Variants in COL10A1 observed in about 807,000 individuals in gnomAD.
COL10A1 encodes collagen type X alpha 1 chain.
In COL10A1, 10 loss-of-function variants were observed where a neutral mutation model predicts 18.2. That is an observed-to-expected ratio of 0.55 (90% CI 0.34 to 0.93). The LOEUF (loss-of-function observed/expected upper bound fraction) is 0.93, where lower values mean the gene tolerates loss of function less well. COL10A1 is among the 40% of genes least tolerant of loss of function. The pLI, the probability that COL10A1 is intolerant of heterozygous loss-of-function variation, is 0.02. For missense variants in COL10A1, 897 were observed against 853.5 expected (o/e 1.05, Z -0.64); for synonymous variants, 330 against 316.6 (o/e 1.04, Z -0.45).
the COL10A1 span, among the ~76,000 whole-genome samples, chr6:116,164,662 G>A: frequency 1.3e-5 from 2 of 152,128 alleles, no homozygotes; most frequent in Non-Finnish European, 2.9e-5. Flanking sequence ...TTATTTTATA[G>A]GATGTGTGAA....
Position 116,120,624 on chromosome 6 carries a change from T to C in COL10A1, c.1492A>G (p.Arg498Gly), listed in dbSNP as rs1429475592. The C allele has an allele frequency of 6.4e-7, 1 of 1,559,184 alleles. No individual in the cohort carries two copies. The highest frequency in any genetic ancestry group is 2.1e-5 in the Admixed American group (1 of 48,448). ...AGACCAGGCTCTCCAGAGTGGCCTC[T>C]TGGACCTGGAGGCCCTGGTGGCCCG... ...PTGPPGPPGP[R>G]GHSGEPGLPG... Residue 498 changes from arginine to glycine, a missense_variant, in exon 3 of 3, where the codon AGA becomes GGA. Arg to Gly is a moderately radical substitution (Grantham distance 125). Coordinates refer to ENST00000651968, the MANE Select transcript of COL10A1 (RefSeq NM_000493.4).
the COL10A1 span, among the ~76,000 whole-genome samples, chr6:116,188,793 T>A: frequency 6.6e-6 from 1 of 151,934 alleles, no homozygotes; most frequent in African/African-American, 2.4e-5. Flanking sequence ...GTCTTTTCTA[T>A]GTGTGTGTAT....
chr6:116,136,691 C>A lies in COL10A1; in HGVS notation c.-15-11184G>T, dbSNP rs1779613804. Among the ~76,000 whole-genome samples, 6 of 152,072 alleles carry A rather than the reference C, an allele frequency of 3.9e-5. 1 individual carries two copies. The highest frequency in any genetic ancestry group is 3.9e-4 in the Admixed American group (6 of 15,264). On this transcript the variant is annotated intron_variant, in intron 1 of 1. Coordinates refer to the COL10A1 transcript ENST00000418500. ...AGTATCTATCTTTCATATTAATAAA[C>A]AGATAAAAATCCATATGCTGTTATC...
chr6:116,212,145 T>G, the COL10A1 span, among the ~76,000 whole-genome samples: 1 of 152,146 alleles, frequency 6.6e-6, no homozygotes, highest in African/African-American at 2.4e-5. Flanking sequence ...TTAATAACTC[T>G]GTCAAAACAA....
At position 116,153,246 on chromosome 6, in the gene COL10A1, T is replaced by C. The variant is rs183389316; in HGVS notation, c.-16+5368A>G. 6.4e-4 allele frequency among the ~76,000 whole-genome samples: 97 copies of C among 152,240 alleles called. No homozygotes were observed. In the Middle Eastern group the frequency reaches 0.01, roughly 16 times the overall value. ...TTATAACCTTGTCTGATTTTAGCTC[T>C]ATTTATAAGATATGTTATATAAGAC... On this transcript the variant is annotated intron_variant, in intron 1 of 1. Coordinates refer to the COL10A1 transcript ENST00000418500.
the COL10A1 span, among the ~76,000 whole-genome samples, chr6:116,216,617 C>T: frequency 6.6e-6 from 1 of 151,804 alleles, no homozygotes; most frequent in Non-Finnish European, 1.5e-5. Flanking sequence ...TTTCACTTTA[C>T]ACAATCTAGA....
At chr6:116,160,214 T>G (rs1780295967), upstream of COL10A1, among the ~76,000 whole-genome samples, 1 of 152,222 alleles carries the variant, frequency 6.6e-6, no homozygotes, top group East Asian at 1.9e-4. Context: ...AGTGTTTAAC[T>G]AATTTACATT....
intron 1 of COL10A1, among the ~76,000 whole-genome samples, chr6:116,143,581 A>G (rs1189232290): frequency 2.0e-5 from 3 of 152,112 alleles, no homozygotes; most frequent in South Asian, 4.1e-4. Flanking sequence ...TTTTAATCCT[A>G]TGAAAATTTC....
chr6:116,201,790 T>C, the COL10A1 span, among the ~76,000 whole-genome samples: 1 of 152,022 alleles, frequency 6.6e-6, no homozygotes, highest in South Asian at 2.1e-4. Flanking sequence ...TTTCCCCTTC[T>C]AGCCTGCACT....
intron 2 of COL10A1, among the ~76,000 whole-genome samples, chr6:116,123,011 G>A (rs1779181215): frequency 6.6e-6 from 1 of 152,072 alleles, no homozygotes; most frequent in Non-Finnish European, 1.5e-5. Context: ...ATGTATAAGT[G>A]GATATTGATA....
the COL10A1 span, among the ~76,000 whole-genome samples, chr6:116,170,783 A>G: frequency 6.6e-6 from 1 of 152,292 alleles, no homozygotes; most frequent in East Asian, 1.9e-4. Context: ...AAAATACTGC[A>G]TAGTACCTTC....
At chr6:116,159,821 C>G (rs1439450613), upstream of COL10A1, among the ~76,000 whole-genome samples, 4 of 152,116 alleles carry the variant, frequency 2.6e-5, no homozygotes, top group Non-Finnish European at 5.9e-5. Context: ...TTATTTCCAT[C>G]TTTATGTCCA....
At chr6:116,187,320 A>C in the COL10A1 span, among the ~76,000 whole-genome samples, 1 of 152,042 alleles carries the variant, frequency 6.6e-6, no homozygotes, top group African/African-American at 2.4e-5. Flanking sequence ...TGTTAAGTCC[A>C]ACCAAAATTT....
the COL10A1 span, among the ~76,000 whole-genome samples, chr6:116,199,997 AGTG>A: frequency 8.4e-6 from 1 of 119,600 alleles, no homozygotes; most frequent in Admixed American, 8.9e-5. Flanking sequence ...CAGTATGGAA[AGTG>A]GGGGGGGAAG....
intron 1 of COL10A1, among the ~76,000 whole-genome samples, chr6:116,147,497 C>G (rs1002979850): frequency 6.6e-6 from 1 of 151,594 alleles, no homozygotes; most frequent in African/African-American, 2.4e-5. Context: ...AAATTTCCAA[C>G]TCATGTAATG....
At chr6:116,132,624 C>G (rs1359148253) in intron 1 of COL10A1, among the ~76,000 whole-genome samples, 1 of 152,136 alleles carries the variant, frequency 6.6e-6, no homozygotes, top group Non-Finnish European at 1.5e-5. Flanking sequence ...TTATTATGCA[C>G]ATCCCCTGGC....
At chr6:116,138,645 T>G (rs1201390859) in intron 1 of COL10A1, among the ~76,000 whole-genome samples, 1 of 152,220 alleles carries the variant, frequency 6.6e-6, no homozygotes, top group East Asian at 1.9e-4. Context: ...GTTATAATGA[T>G]TAAAAGGCAG....
At chr6:116,216,815 T>A in the COL10A1 span, among the ~76,000 whole-genome samples, 1 of 152,218 alleles carries the variant, frequency 6.6e-6, no homozygotes, top group Non-Finnish European at 1.5e-5. Context: ...GTTTCTTCTT[T>A]TAAGAAAATT....
At chr6:116,128,541 A>G (rs542285561), upstream of COL10A1, among the ~76,000 whole-genome samples, 11 of 152,268 alleles carry the variant, frequency 7.2e-5, no homozygotes, top group Middle Eastern at 3.4e-3. Flanking sequence ...GCAGTTAGCT[A>G]CTATTAAGCT....
Sources: gnomAD v4.1 joint callset for allele counts (sites outside exome capture counted in the v4.1 genomes callset) on GRCh38, gnomAD v4.1.1 for gene constraint, MANE v1.5 for transcripts, NCBI Gene and HGNC (gene_info 2026-07-23, HGNC 2026-07-21) for gene names.